The following STX18 variants were observed in gnomAD, a reference collection of about 807,000 sequenced individuals.
The protein encoded by STX18 is syntaxin-18.
In STX18, 40 loss-of-function variants were observed where a neutral mutation model predicts 50.1. That is an observed-to-expected ratio of 0.80 (90% CI 0.62 to 1.04). STX18 has a LOEUF of 1.04. Ranked by LOEUF, STX18 falls within the 50% of genes least tolerant of loss-of-function variation. The pLI is 0.00. For missense variants in STX18, 410 were observed against 415.8 expected (o/e 0.99, Z 0.12); for synonymous variants, 158 against 151.8 (o/e 1.04, Z -0.30).
Position 4,434,799 on chromosome 4 carries a change from C to A in STX18, c.673G>T (p.Asp225Tyr). The change falls in exon 7 of 11, where the codon GAT (aspartate) becomes TAT (tyrosine). Residue 225 changes from aspartate (D) to tyrosine (Y), a missense_variant. Physicochemically the swap from Asp to Tyr is radical, Grantham distance 160 (BLOSUM62 -3). Coordinates refer to ENST00000306200, the MANE Select transcript of STX18 (RefSeq NM_016930.4). Reference sequence around the variant, plus strand: ...TGTATTTCTTCTGGGGATAACTCATCTTCGCCTTTGCCATCTCCCCACGTT... The same window carrying A: ...TGTATTTCTTCTGGGGATAACTCATATTCGCCTTTGCCATCTCCCCACGTT... ...LGTWGDGKGEDELSPEEIQMF... is the reference protein window; with the variant it reads ...LGTWGDGKGEYELSPEEIQMF... The A allele has an allele frequency of 1.2e-6, 2 of 1,607,042 alleles. No individual in the cohort carries two copies. The highest frequency in any genetic ancestry group is 1.7e-6 in the Non-Finnish European group (2 of 1,178,216).
At chr4:4,492,315 C>G (rs1306939950) in intron 1 of STX18, among the ~76,000 whole-genome samples, 1 of 152,074 alleles carries the variant, frequency 6.6e-6, no homozygotes, top group Admixed American at 6.5e-5. Context: ...ATAGGTGGTA[C>G]TCTTTGTGAT....
At chr4:4,464,031 TAAAA>T (rs921781382) in intron 2 of STX18, among the ~76,000 whole-genome samples, 1 of 151,996 alleles carries the variant, frequency 6.6e-6, no homozygotes, top group African/African-American at 2.4e-5. Flanking sequence ...TTGACAAAGT[TAAAA>T]AAAAGCAGGA....
chr4:4,511,520 A>T (rs761705105), intron 1 of STX18, among the ~76,000 whole-genome samples: 6 of 152,206 alleles, frequency 3.9e-5, no homozygotes, highest in Admixed American at 2.6e-4. Context: ...CCTTTGCTTC[A>T]ATAGTTTGGA....
intron 2 of STX18, among the ~76,000 whole-genome samples, chr4:4,469,889 C>T (rs557172490): frequency 1.4e-4 from 22 of 152,028 alleles, no homozygotes; most frequent in African/African-American, 3.6e-4. Flanking sequence ...CAAACTTTAC[C>T]GAGGAGTAGG....
intron 1 of STX18, among the ~76,000 whole-genome samples, chr4:4,474,070 C>T (rs1429534124): frequency 1.3e-5 from 2 of 152,156 alleles, no homozygotes; most frequent in South Asian, 2.1e-4. Context: ...CCATATGGTT[C>T]TCCCTTTCCC....
intron 4 of STX18, 55 bp from the exon 5 acceptor site, chr4:4,457,312 A>G (rs1006699133): frequency 1.3e-6 from 2 of 1,584,788 alleles, no homozygotes. Flanking sequence ...TTCTCAGGCA[A>G]AGCCATCATT....
At chr4:4,514,369 C>T (rs1477135536) in intron 1 of STX18, among the ~76,000 whole-genome samples, 1 of 152,194 alleles carries the variant, frequency 6.6e-6, no homozygotes, top group Non-Finnish European at 1.5e-5. Context: ...TTCATTCTCT[C>T]ACTGGTCTCA....
intron 5 of STX18, among the ~76,000 whole-genome samples, chr4:4,456,220 T>C (rs1727059794): frequency 6.6e-6 from 1 of 151,354 alleles, no homozygotes; most frequent in African/African-American, 2.4e-5. Context: ...GTCGTGCCAC[T>C]GCACTCCATC....
In STX18 at chr4:4,420,785, T is replaced by G; in HGVS notation, c.912+79A>C. 7.7e-7 allele frequency: 1 copy of G among 1,303,108 alleles called. No individual in the cohort carries two copies. Among genetic ancestry groups the G allele is most frequent in the Non-Finnish European group, 1.1e-6 (1 of 901,022 alleles). 80.7% of individuals were successfully genotyped at this position (1,303,108 alleles called of 1,614,324 possible). A position where few individuals can be genotyped will look rare whatever the true frequency, so the allele number is the denominator to read the frequency against. ...CTGCCCAGCAAGGCTCCTGGGCAGC[T>G]GTGCCGGCGAGACTAACACCCGCTG... On this transcript the variant is annotated intron_variant, in intron 10 of 10. Transcript: ENST00000306200. The surrounding 1 kb of genome is among the most constrained non-coding windows in gnomAD (Gnocchi z 4.3).
chr4:4,514,646 C>T (rs981283023), intron 1 of STX18, among the ~76,000 whole-genome samples: 1 of 152,064 alleles, frequency 6.6e-6, no homozygotes, highest in Non-Finnish European at 1.5e-5. Context: ...AGTCTTTGAT[C>T]CGAAGGAGCT....
intron 1 of STX18, among the ~76,000 whole-genome samples, chr4:4,489,522 T>C (rs1728852798): frequency 6.7e-6 from 1 of 148,246 alleles, no homozygotes; most frequent in South Asian, 2.2e-4. Context: ...AGTGCTGGGA[T>C]TATAGGCATG....
At chr4:4,464,318 G>A (rs968358565) in intron 2 of STX18, among the ~76,000 whole-genome samples, 1 of 152,208 alleles carries the variant, frequency 6.6e-6, no homozygotes. Context: ...TCCAGAAAGC[G>A]TTTTAGAAGT....
intron 7 of STX18, among the ~76,000 whole-genome samples, chr4:4,427,704 TC>T (rs1725320776): frequency 6.6e-6 from 1 of 152,236 alleles, no homozygotes; most frequent in African/African-American, 2.4e-5. Context: ...TCTTGTTTCC[TC>T]CCCAATTTGA....
At chr4:4,507,306 C>T (rs1250982271) in intron 1 of STX18, 1 of 725,192 alleles carries the variant, frequency 1.4e-6, no homozygotes, top group Non-Finnish European at 2.6e-6. Flanking sequence ...AGAACTCGGA[C>T]CTCAAGGCTC....
intron 1 of STX18, among the ~76,000 whole-genome samples, chr4:4,499,861 G>A (rs892238523): frequency 1.3e-4 from 18 of 141,690 alleles, no homozygotes; most frequent in Admixed American, 3.4e-4. Context: ...TTTTCAAATC[G>A]ACTTTTTTTT....
chr4:4,475,912 T>C (rs921626685), intron 1 of STX18, among the ~76,000 whole-genome samples: 5 of 152,190 alleles, frequency 3.3e-5, no homozygotes, highest in African/African-American at 1.2e-4. Flanking sequence ...TAAGCCACCA[T>C]ATCCGGCCTA....
intron 1 of STX18, among the ~76,000 whole-genome samples, chr4:4,531,152 T>TACACACACACACAC (rs142048912): frequency 0.011 from 1,708 of 149,644 alleles, 14 homozygotes; most frequent in African/African-American, 0.03. Context: ...GGATAAAATT[T>TACACACACACACAC]ACACACACAC....
intron 1 of STX18, among the ~76,000 whole-genome samples, chr4:4,511,712 T>TTGTGTG (rs1730011448): frequency 2.0e-5 from 2 of 99,764 alleles, no homozygotes; most frequent in South Asian, 4.0e-4. Context: ...CACTCATGAT[T>TTGTGTG]AGTGTGTGTG....
rs1276551341 is a variant in STX18 at position 4,457,244 on chromosome 4, A to G, written c.444T>C (p.Leu148=). ...CTCGGATGGCTCTCTGTTCTGAGTA[A>G]AGTTTACATACTCCTGTTGCAGAAG... The part of the protein sequence containing the change: ...IEDYLKRVCK[L]YSEQRAIRVK... Residue 148 remains leucine (L), a synonymous_variant, in exon 5 of 11, where the codon CTT becomes CTC. Coordinates refer to ENST00000306200, the MANE Select transcript of STX18 (RefSeq NM_016930.4). The G allele has an allele frequency of 1.2e-6, 2 of 1,613,986 alleles. No homozygotes were observed. The highest frequency in any genetic ancestry group is 2.7e-5 in the African/African-American group (2 of 74,922).
Sources: gnomAD v4.1 joint callset for allele counts (sites outside exome capture counted in the v4.1 genomes callset) on GRCh38, gnomAD v4.1.1 for gene constraint, Gnocchi (gnomAD v3.1) non-coding constraint, MANE v1.5 for transcripts, NCBI Gene and HGNC (gene_info 2026-07-23, HGNC 2026-07-21) for gene names.